Variants in MARCHF4 observed in about 807,000 individuals in gnomAD.
MARCHF4 encodes the protein membrane associated ring-CH-type finger 4.
Under a neutral mutation model 43.9 loss-of-function variants are expected in MARCHF4, and 14 were observed. The observed-to-expected ratio is 0.32, with a 90% CI of 0.21 to 0.50. The LOEUF (loss-of-function observed/expected upper bound fraction) is 0.50. Ranked by LOEUF, MARCHF4 falls within the 20% of genes least tolerant of loss-of-function variation. The probability of loss-of-function intolerance (pLI) is 0.98; values close to 1 mark genes in which losing one functional copy is unlikely to be tolerated. For missense variants in MARCHF4, 468 were observed against 536.7 expected, an observed-to-expected ratio of 0.87 and a Z score of 1.27; for synonymous variants, 226 against 213.3, an observed-to-expected ratio of 1.06 and a Z score of -0.52.
chr2:216,349,570 G>A (rs1056759602), intron 1 of MARCHF4, among the ~76,000 whole-genome samples: 5 of 152,204 alleles, frequency 3.3e-5, no homozygotes, highest in Non-Finnish European at 7.3e-5. Context: ...TGAAGTGCAG[G>A]AAGGAGGCTT....
At chr2:216,285,005 G>A (rs1000919119) in intron 1 of MARCHF4, among the ~76,000 whole-genome samples, 17 of 152,096 alleles carry the variant, frequency 1.1e-4, no homozygotes, top group African/African-American at 4.1e-4. Flanking sequence ...AGCACACTTG[G>A]CACATCATTA....
At chr2:216,355,955 C>T (rs1350998754) in intron 1 of MARCHF4, among the ~76,000 whole-genome samples, 1 of 152,220 alleles carries the variant, frequency 6.6e-6, no homozygotes, top group Non-Finnish European at 1.5e-5. Flanking sequence ...CACCAGCTGC[C>T]TACACTCATT....
chr2:216,285,875 C>A (rs575447848), intron 1 of MARCHF4, among the ~76,000 whole-genome samples: 1 of 152,214 alleles, frequency 6.6e-6, no homozygotes, highest in African/African-American at 2.4e-5. Context: ...CGTCAAATTG[C>A]CCATCAGGTA....
chr2:216,327,569 C>G (rs1692015619), intron 1 of MARCHF4, among the ~76,000 whole-genome samples: 1 of 152,182 alleles, frequency 6.6e-6, no homozygotes, highest in African/African-American at 2.4e-5. Flanking sequence ...CAACCTCTCT[C>G]AGTCACCTGT....
chr2:216,279,345 AAAGG>A (rs1240257462), intron 2 of MARCHF4, among the ~76,000 whole-genome samples: 1 of 152,208 alleles, frequency 6.6e-6, no homozygotes, highest in Non-Finnish European at 1.5e-5. Context: ...GACAACTGGA[AAAGG>A]AAGAATGAGA....
intron 1 of MARCHF4, among the ~76,000 whole-genome samples, chr2:216,353,909 A>G (rs2105980595): frequency 6.6e-6 from 1 of 152,274 alleles, no homozygotes; most frequent in South Asian, 2.1e-4. Flanking sequence ...CACCATAGAA[A>G]CATGAGCTAG....
At chr2:216,315,498 T>A (rs1208442612) in intron 1 of MARCHF4, among the ~76,000 whole-genome samples, 1 of 152,216 alleles carries the variant, frequency 6.6e-6, no homozygotes, top group Non-Finnish European at 1.5e-5. Context: ...TATTCTATTA[T>A]GATTTAAAAT....
chr2:216,283,334 G>T (rs1449476882), intron 2 of MARCHF4, among the ~76,000 whole-genome samples: 1 of 151,176 alleles, frequency 6.6e-6, no homozygotes, highest in Non-Finnish European at 1.5e-5. Flanking sequence ...CTTTCCTTCT[G>T]TATCTATTTC....
intron 3 of MARCHF4, among the ~76,000 whole-genome samples, chr2:216,274,383 A>G (rs1365414406): frequency 6.6e-6 from 1 of 152,134 alleles, no homozygotes; most frequent in Non-Finnish European, 1.5e-5. Context: ...TGTCTAGTTG[A>G]GCCTAAAAAT....
Position 216,341,710 on chromosome 2 carries a change from C to T in MARCHF4, c.516+28035G>A, listed in dbSNP as rs114325811. Among the ~76,000 whole-genome samples, 1,266 of 152,308 alleles carry T rather than the reference C, an allele frequency of 8.3e-3. 9 individuals are homozygous for T. The highest frequency in any genetic ancestry group is 0.022 in the South Asian group (106 of 4,816). ...TGGGAATCTTACTCTAAATCTTTAA[C>T]AACTGGACCTGCATAGACACCAATC... is the stretch of plus-strand genomic sequence containing the variant. On this transcript the variant is annotated intron_variant, in intron 1 of 3. Transcript: ENST00000273067.
intron 1 of MARCHF4, among the ~76,000 whole-genome samples, chr2:216,364,174 G>T (rs568125823): frequency 6.6e-6 from 1 of 152,194 alleles, no homozygotes; most frequent in East Asian, 1.9e-4. Context: ...CCTTTCTTCT[G>T]CAGAGCACAC....
chr2:216,302,353 G>C (rs1478589612), intron 1 of MARCHF4, among the ~76,000 whole-genome samples: 5 of 151,418 alleles, frequency 3.3e-5, no homozygotes, highest in Admixed American at 1.3e-4. Context: ...CAAGTAGCTG[G>C]GACTACAGGC....
At chr2:216,316,766 G>T (rs1021706578) in intron 1 of MARCHF4, among the ~76,000 whole-genome samples, 1 of 151,990 alleles carries the variant, frequency 6.6e-6, no homozygotes, top group Admixed American at 6.6e-5. Flanking sequence ...CAGGTCCAAG[G>T]TGTTGTCCAG....
At chr2:216,273,658 C>T (rs1481178476) in intron 3 of MARCHF4, among the ~76,000 whole-genome samples, 1 of 152,328 alleles carries the variant, frequency 6.6e-6, no homozygotes, top group Non-Finnish European at 1.5e-5. Flanking sequence ...GAAGCTTCCC[C>T]CTTTTTCATG....
chr2:216,295,241 A>T (rs1034648727), intron 1 of MARCHF4, among the ~76,000 whole-genome samples: 1 of 152,108 alleles, frequency 6.6e-6, no homozygotes, highest in African/African-American at 2.4e-5. Context: ...GGATAACACA[A>T]GGTGAGGGTT....
At chr2:216,263,493 AAGAGAGAGAGAGAGAGAGAGAGAG>A (rs150783185) in intron 3 of MARCHF4, among the ~76,000 whole-genome samples, 4 of 58,986 alleles carry the variant, frequency 6.8e-5, no homozygotes, top group African/African-American at 1.2e-4. Context: ...AGGAGAGAGA[AAGAGAGAGAGAGAGAGAGAGAGAG>A]AGAGAGAGAG....
chr2:216,284,669 T>C (rs1327576186), intron 1 of MARCHF4, among the ~76,000 whole-genome samples: 1 of 152,190 alleles, frequency 6.6e-6, no homozygotes, highest in African/African-American at 2.4e-5. Flanking sequence ...TCTCTTCATG[T>C]TGCCCAGGCT....
chr2:216,365,093 C>A (rs11678641), intron 1 of MARCHF4, among the ~76,000 whole-genome samples: 30,852 of 152,112 alleles, frequency 0.2, 4,102 homozygotes, highest in Non-Finnish European at 0.31. Context: ...AACCATAGCA[C>A]TAAGACGAGT....
intron 1 of MARCHF4, among the ~76,000 whole-genome samples, chr2:216,300,944 A>C (rs1192147324): frequency 6.6e-6 from 1 of 152,198 alleles, no homozygotes; most frequent in Non-Finnish European, 1.5e-5. Flanking sequence ...GATGATTCTT[A>C]ATAGAGGCAA....
Sources: allele counts gnomAD v4.1 joint callset (sites outside exome capture counted in the v4.1 genomes callset), GRCh38; gene constraint gnomAD v4.1.1; transcripts MANE v1.5; gene names NCBI Gene and HGNC (gene_info 2026-07-23, HGNC 2026-07-21).